SIPA1L1: variants seen among roughly 807,000 people sequenced by gnomAD.
The protein encoded by SIPA1L1 is signal-induced proliferation-associated 1-like protein 1.
A neutral mutation model predicts 162.7 loss-of-function variants in SIPA1L1; 26 were observed. That is an observed-to-expected ratio of 0.16 (90% CI 0.12 to 0.22). The LOEUF (loss-of-function observed/expected upper bound fraction) is 0.22. Ranked by LOEUF, SIPA1L1 falls within the 10% of genes least tolerant of loss-of-function variation. The pLI is 1.00. For missense variants in SIPA1L1, 1,874 were observed against 2,241.0 expected, an observed-to-expected ratio of 0.84 and a Z score of 3.31; for synonymous variants, 829 against 837.4, an observed-to-expected ratio of 0.99 and a Z score of 0.17.
rs910156271 is a variant in SIPA1L1, at chr14:71,705,311, G to C, written c.3736G>C (p.Val1246Leu). 6 of 1,614,008 alleles carry C rather than the reference G, an allele frequency of 3.7e-6. No individual in the cohort carries two copies. The East Asian group carries it at 1.1e-4, about 30-fold the overall frequency. ...SGRLMRQDPV[V>L]HLSPNKQGHS... ...GAGATTAATGCGGCAGGATCCAGTGGTTCATTTGTCTCCAAACAAACAAGG... is the reference window on the plus strand; with the variant it reads ...GAGATTAATGCGGCAGGATCCAGTGCTTCATTTGTCTCCAAACAAACAAGG... Residue 1246 changes from valine to leucine, a missense_variant, in exon 16 of 24, where the codon GTT becomes CTT. Transcript: ENST00000381232.
intron 20 of SIPA1L1, among the ~76,000 whole-genome samples, chr14:71,731,696 G>T (rs556747644): frequency 2.0e-4 from 31 of 152,222 alleles, no homozygotes; most frequent in Non-Finnish European, 4.0e-4. Context: ...CGAAAGAACA[G>T]CCCAGAAATC....
chr14:71,460,141 A>C (rs1751176219), intron 2 of SIPA1L1, among the ~76,000 whole-genome samples: 1 of 152,238 alleles, frequency 6.6e-6, no homozygotes, highest in Admixed American at 6.5e-5. Flanking sequence ...TTTTTAACAA[A>C]AGAAGGAGGA....
rs564971926 is a variant in SIPA1L1 at position 71,564,383 on chromosome 14, C to T, written c.-302-23188C>T. On this transcript the variant is annotated intron_variant, in intron 4 of 23. Transcript: ENST00000381232. ...TTTTTCTTCTTTTTTTTTTTTTAAA[C>T]ATACATGGAGGTCTGCTTTTGTTTC... 2.9e-3 allele frequency among the ~76,000 whole-genome samples: 420 copies of T among 143,884 alleles called. 1 individual carries two copies. The highest frequency in any genetic ancestry group is 0.01 in the African/African-American group (394 of 38,836). 94.4% of individuals were successfully genotyped at this position (143,884 alleles called of 152,430 possible).
chr14:71,698,269 C>T (rs1653475855), intron 13 of SIPA1L1, among the ~76,000 whole-genome samples: 1 of 152,278 alleles, frequency 6.6e-6, no homozygotes, highest in Non-Finnish European at 1.5e-5. Context: ...ACATGTCTGT[C>T]CTGACCACAA....
chr14:71,443,153 C>T (rs896463209), intron 2 of SIPA1L1, among the ~76,000 whole-genome samples: 1 of 152,080 alleles, frequency 6.6e-6, no homozygotes, highest in Non-Finnish European at 1.5e-5. Flanking sequence ...TCAAAATGTC[C>T]TGAGATTCGG....
chr14:71,592,639 G>A (rs1017695069), intron 5 of SIPA1L1, among the ~76,000 whole-genome samples: 4 of 152,040 alleles, frequency 2.6e-5, no homozygotes, highest in African/African-American at 7.2e-5. Flanking sequence ...AGGTGGGGAG[G>A]GGGTGGAGGG....
rs375944765 is a variant in SIPA1L1, at chr14:71,588,647, T to C, written c.775T>C (p.Leu259=). Residue 259 remains leucine (L), a synonymous_variant, in exon 5 of 24, where the codon TTG becomes CTG. Coordinates refer to ENST00000381232, the MANE Select transcript of SIPA1L1 (RefSeq NM_001386936.1). The surrounding 1 kb of genome is among the most constrained non-coding windows in gnomAD (Gnocchi z 4.3). Reference sequence around the variant, plus strand: ...TGGTGGCAAGGGTTCTGGTTTCTCTTTGGATGTAATAGACGGGCCTATCTC... The same window carrying C: ...TGGTGGCAAGGGTTCTGGTTTCTCTCTGGATGTAATAGACGGGCCTATCTC... ...TGGGKGSGFS[L]DVIDGPISQR... 1.1e-4 allele frequency: 172 copies of C among 1,613,884 alleles called. No individual in the cohort carries two copies. Among genetic ancestry groups the C allele is most frequent in the Non-Finnish European group, 1.4e-4 (163 of 1,179,980 alleles).
chr14:71,705,959 C>T (rs115410871), intron 16 of SIPA1L1, among the ~76,000 whole-genome samples: 3,027 of 152,058 alleles, frequency 0.02, 102 homozygotes, highest in African/African-American at 0.069. Context: ...TGGGACGGGA[C>T]GCCCTCCCCA....
At chr14:71,576,291 G>C (rs184724019) in intron 4 of SIPA1L1, among the ~76,000 whole-genome samples, 1 of 152,186 alleles carries the variant, frequency 6.6e-6, no homozygotes, top group Non-Finnish European at 1.5e-5. Flanking sequence ...ACCCAGTCTC[G>C]TCTAAGCTGC....
At chr14:71,626,828 C>T (rs2040040927) in intron 7 of SIPA1L1, among the ~76,000 whole-genome samples, 1 of 151,996 alleles carries the variant, frequency 6.6e-6, no homozygotes, top group Non-Finnish European at 1.5e-5. Flanking sequence ...TAAAAGAAGA[C>T]ACAATTTATT....
chr14:71,450,911 C>G (rs914053110), intron 2 of SIPA1L1, among the ~76,000 whole-genome samples: 2 of 152,032 alleles, frequency 1.3e-5, no homozygotes. Flanking sequence ...GGTATATATC[C>G]AAAGGAATTG....
chr14:71,342,135 C>G (rs1478649870), intron 2 of SIPA1L1, among the ~76,000 whole-genome samples: 2 of 152,032 alleles, frequency 1.3e-5, no homozygotes, highest in African/African-American at 4.8e-5. Context: ...TCCCGAGTAG[C>G]TAGAACTGTT....
chr14:71,718,604 T>G (rs1377563572), intron 17 of SIPA1L1, among the ~76,000 whole-genome samples: 1 of 152,202 alleles, frequency 6.6e-6, no homozygotes, highest in African/African-American at 2.4e-5. Flanking sequence ...GAGCTATGAT[T>G]GCACCACTGC....
At chr14:71,579,808 G>A (rs2033660155) in intron 4 of SIPA1L1, among the ~76,000 whole-genome samples, 1 of 152,058 alleles carries the variant, frequency 6.6e-6, no homozygotes, top group Admixed American at 6.6e-5. Context: ...TTTTTCAAGT[G>A]CAGTTTCTTA....
chr14:71,353,322 G>A (rs540786266), intron 2 of SIPA1L1, among the ~76,000 whole-genome samples: 4 of 152,278 alleles, frequency 2.6e-5, no homozygotes, highest in Admixed American at 2.0e-4. Flanking sequence ...AAGAAGTAAG[G>A]TCACTAATCA....
At chr14:71,655,966 T>TACC (rs2043019713) in intron 8 of SIPA1L1, among the ~76,000 whole-genome samples, 2 of 152,204 alleles carry the variant, frequency 1.3e-5, no homozygotes, top group Admixed American at 1.3e-4. Context: ...CATTCTTTTT[T>TACC]CATTCTTTCT....
chr14:71,616,850 T>C (rs572417268), intron 5 of SIPA1L1, among the ~76,000 whole-genome samples: 201 of 152,110 alleles, frequency 1.3e-3, no homozygotes, highest in African/African-American at 4.6e-3. Context: ...TTGAGGTTAT[T>C]GGTGATGAAT....
At chr14:71,512,541 C>T (rs558384635) in intron 2 of SIPA1L1, among the ~76,000 whole-genome samples, 74 of 148,034 alleles carry the variant, frequency 5.0e-4, no homozygotes, top group Middle Eastern at 3.5e-3. Flanking sequence ...GAGCTGAGAT[C>T]GCGCCACTGC....
chr14:71,352,847 T>A (rs2036854721), intron 2 of SIPA1L1, among the ~76,000 whole-genome samples: 1 of 152,240 alleles, frequency 6.6e-6, no homozygotes, highest in African/African-American at 2.4e-5. Context: ...CACAGACATG[T>A]CAAGATTTGG....
Sources: allele counts gnomAD v4.1 joint callset (sites outside exome capture counted in the v4.1 genomes callset), GRCh38; gene constraint gnomAD v4.1.1; non-coding constraint Gnocchi (gnomAD v3.1); transcripts MANE v1.5; gene names NCBI Gene and HGNC (gene_info 2026-07-23, HGNC 2026-07-21).